Variants in ZSCAN4 observed in about 807,000 individuals in gnomAD.
ZSCAN4 encodes the protein zinc finger and SCAN domain containing 4.
A neutral mutation model predicts 18.3 loss-of-function variants in ZSCAN4; 18 were observed. The ratio of observed to expected loss-of-function variants is 0.98; its 90% CI spans 0.68 to 1.46. The LOEUF (loss-of-function observed/expected upper bound fraction) is 1.46. ZSCAN4 is among the 40% of genes most tolerant of loss of function. ZSCAN4 has a pLI of 0.00. For missense variants in ZSCAN4, 498 were observed against 511.4 expected (o/e 0.97, Z 0.25); for synonymous variants, 193 against 180.3 (o/e 1.07, Z -0.57).
intron 2 of ZSCAN4, 68 bp from the exon 3 acceptor site, chr19:57,675,973 T>G: frequency 1.6e-6 from 1 of 629,968 alleles, no homozygotes; most frequent in East Asian, 2.8e-5. Context: ...TAGGCCTAAC[T>G]TTTTGGTTGA....
chr19:57,663,520 T>TAAAAAAAAAAAAAAAAAAAA, the ZSCAN4 span, among the ~76,000 whole-genome samples: 8 of 66,574 alleles, frequency 1.2e-4, no homozygotes, highest in African/African-American at 5.1e-4. Flanking sequence ...ACCATGTCTC[T>TAAAAAAAAAAAAAAAAAAAA]AAAAAAAAAA....
the ZSCAN4 span, among the ~76,000 whole-genome samples, chr19:57,660,697 T>C: frequency 2.0e-5 from 3 of 152,246 alleles, no homozygotes; most frequent in Non-Finnish European, 4.4e-5. Flanking sequence ...CTCATTCTCA[T>C]GTACTCACAG....
upstream of ZSCAN4, among the ~76,000 whole-genome samples, chr19:57,666,672 T>C (rs1438131246): frequency 1.3e-5 from 2 of 151,464 alleles, no homozygotes; most frequent in Non-Finnish European, 2.9e-5. Context: ...TCACCTGAGA[T>C]CAGGAGTTTG....
At chr19:57,678,221 T>A in exon 5 of ZSCAN4, 1 of 1,614,104 alleles carries the variant, frequency 6.2e-7, no homozygotes, top group Non-Finnish European at 8.5e-7. Context: ...CTCGAGTAAA[T>A]GAAAATATTA....
chr19:57,654,209 T>C, the ZSCAN4 span, among the ~76,000 whole-genome samples: 1 of 152,198 alleles, frequency 6.6e-6, no homozygotes, highest in Non-Finnish European at 1.5e-5. Context: ...CACTCATTCC[T>C]GGTCATCCCT....
At chr19:57,652,766 G>A in the ZSCAN4 span, among the ~76,000 whole-genome samples, 2 of 152,194 alleles carry the variant, frequency 1.3e-5, no homozygotes, top group Admixed American at 6.5e-5. Flanking sequence ...CATAGTCTGA[G>A]TCCATGTTCC....
At chr19:57,678,987 T>C (rs1274874959) in exon 5 of ZSCAN4, 2 of 1,391,684 alleles carry the variant, frequency 1.4e-6, no homozygotes, top group East Asian at 2.5e-5. Flanking sequence ...ATATAAGATA[T>C]AATCTCCTGA....
intron 2 of ZSCAN4, among the ~76,000 whole-genome samples, chr19:57,673,224 T>G (rs1984077231): frequency 6.6e-6 from 1 of 151,972 alleles, no homozygotes; most frequent in Non-Finnish European, 1.5e-5. Flanking sequence ...AATTTTTGTA[T>G]TTTTAGTAGA....
At chr19:57,671,696 T>C (rs1473815611) in intron 2 of ZSCAN4, among the ~76,000 whole-genome samples, 1 of 152,176 alleles carries the variant, frequency 6.6e-6, no homozygotes, top group African/African-American at 2.4e-5. Flanking sequence ...ATTAGCATTT[T>C]ATAAACGTTG....
upstream of ZSCAN4, among the ~76,000 whole-genome samples, chr19:57,666,657 G>A (rs1263218383): frequency 6.6e-6 from 1 of 151,734 alleles, no homozygotes; most frequent in East Asian, 1.9e-4. Flanking sequence ...GCTGAGGTGG[G>A]CGGATCACCT....
intron 2 of ZSCAN4, among the ~76,000 whole-genome samples, chr19:57,671,096 C>T (rs1396013136): frequency 6.6e-6 from 1 of 152,028 alleles, no homozygotes; most frequent in East Asian, 1.9e-4. Context: ...TCCTGGCCTC[C>T]AGTGATTTGC....
chr19:57,678,042 C>T, exon 4 of ZSCAN4: 1 of 1,588,994 alleles, frequency 6.3e-7, no homozygotes, highest in East Asian at 2.2e-5. Context: ...GGACACCCTC[C>T]CAGACTTCCC....
chr19:57,658,375 A>G, the ZSCAN4 span, among the ~76,000 whole-genome samples: 3 of 152,158 alleles, frequency 2.0e-5, no homozygotes, highest in Admixed American at 2.0e-4. Flanking sequence ...GGTGAGGAGA[A>G]CCTTCTCTAT....
chr19:57,678,851 G>A (rs1984276953), exon 5 of ZSCAN4: 1 of 1,612,356 alleles, frequency 6.2e-7, no homozygotes, highest in South Asian at 1.1e-5. Flanking sequence ...GCCATATGAG[G>A]ACTCATGAGA....
chr19:57,658,363 A>C, the ZSCAN4 span, among the ~76,000 whole-genome samples: 1 of 152,198 alleles, frequency 6.6e-6, no homozygotes, highest in African/African-American at 2.4e-5. Context: ...AAGAGTACAT[A>C]GGGTGAGGAG....
the ZSCAN4 span, among the ~76,000 whole-genome samples, chr19:57,653,591 C>A: frequency 6.6e-6 from 1 of 152,084 alleles, no homozygotes; most frequent in Admixed American, 6.6e-5. Context: ...TCTCCAGAGA[C>A]TTAATCAAAG....
chr19:57,658,994 T>C, the ZSCAN4 span, among the ~76,000 whole-genome samples: 1 of 152,254 alleles, frequency 6.6e-6, no homozygotes, highest in South Asian at 2.1e-4. Flanking sequence ...AGGAGGATGG[T>C]CACTGTCTGC....
At chr19:57,675,536 C>T (rs1984156938) in intron 2 of ZSCAN4, among the ~76,000 whole-genome samples, 1 of 152,176 alleles carries the variant, frequency 6.6e-6, no homozygotes, top group Admixed American at 6.5e-5. Flanking sequence ...CCCTCCTCGG[C>T]CTCCCACAGT....
chr19:57,654,067 T>C, the ZSCAN4 span, among the ~76,000 whole-genome samples: 1 of 152,194 alleles, frequency 6.6e-6, no homozygotes, highest in Non-Finnish European at 1.5e-5. Context: ...CTGGGCAACA[T>C]ACTCAGTTCT....
Sources: allele counts gnomAD v4.1 joint callset (sites outside exome capture counted in the v4.1 genomes callset), GRCh38; gene constraint gnomAD v4.1.1; transcripts MANE v1.5; gene names NCBI Gene and HGNC (gene_info 2026-07-23, HGNC 2026-07-21).